The following OLFML2B variants were observed in gnomAD, a reference collection of about 807,000 sequenced individuals.
The protein encoded by OLFML2B is olfactomedin like 2B, also known as olfactomedin-like protein 2B.
Under a neutral mutation model 74.9 loss-of-function variants are expected in OLFML2B, and 57 were observed. The observed-to-expected ratio is 0.76, with a 90% CI of 0.61 to 0.95. The LOEUF (loss-of-function observed/expected upper bound fraction) is 0.95, where lower values mean the gene tolerates loss of function less well. OLFML2B is among the 40% of genes least tolerant of loss of function. The pLI is 0.00. For missense variants in OLFML2B, 986 were observed against 970.6 expected (o/e 1.02, Z -0.21); for synonymous variants, 388 against 405.8 (o/e 0.96, Z 0.53).
rs199523548 is a variant in OLFML2B at position 161,984,123 on chromosome 1, T to C, written c.1805A>G (p.His602Arg). The change falls in exon 8 of 8, where the codon CAT becomes CGT. Residue 602 changes from histidine (H) to arginine (R), a missense_variant. Physicochemically the swap from His to Arg is conservative, Grantham distance 29. Transcript: ENST00000294794. ...QRYVAAWAML[H>R]DVAYEEATPW... ...GGTGGCCTCCTCGTAGGCCACGTCA[T>C]GCAGCATGGCCCAGGCAGCCACGTA... 3.1e-5 allele frequency: 50 copies of C among 1,611,512 alleles called. No homozygotes were observed. The East Asian group carries it at 9.1e-4, about 29-fold the overall frequency.
Position 162,023,383 on chromosome 1 carries a change from A to G in OLFML2B, c.48T>C (p.Val16=). 4 of 1,602,156 alleles carry G rather than the reference A, an allele frequency of 2.5e-6. No homozygotes were observed. Among genetic ancestry groups the G allele is most frequent in the Non-Finnish European group, 3.4e-6 (4 of 1,173,088 alleles). The part of the protein sequence containing the change: ...LLVLYFALIV[V]PAWVSSIVLT... ...GGACAATGCTGGACACCCAGGCCGG[A>G]ACCACAATCAGAGCGAAGTAGAGAA... The change falls in exon 1 of 8, where the codon GTT becomes GTC. Residue 16 remains valine, a synonymous_variant. Coordinates refer to ENST00000294794, the MANE Select transcript of OLFML2B (RefSeq NM_015441.3).
chr1:161,993,623 G>A (rs532217287), intron 6 of OLFML2B, among the ~76,000 whole-genome samples: 2 of 151,970 alleles, frequency 1.3e-5, no homozygotes, highest in African/African-American at 2.4e-5. Flanking sequence ...ATCAGGCCCC[G>A]GCTCCCTACC....
In OLFML2B at chr1:161,983,969, G is replaced by C. The variant is rs746677724; in HGVS notation, c.1959C>G (p.Ala653=). ...TCTCCTTCTGTGTGCTCAGGTCCGC[G>C]GCATTGAGCTTGCTCAGGACAATGA... ...QEVIVLSKLN[A]ADLSTQKETT... The change falls in exon 8 of 8, where the codon GCC becomes GCG. Residue 653 remains alanine (A), a synonymous_variant. Transcript: ENST00000294794. The C allele has an allele frequency of 8.7e-6, 14 of 1,614,094 alleles. No individual in the cohort carries two copies. In the Admixed American group the frequency reaches 1.5e-4, roughly 17 times the overall value.
Position 162,020,199 on chromosome 1 carries a change from C to A in OLFML2B, c.175-17G>T, listed in dbSNP as rs758331634. 1 of 1,613,218 alleles carries A rather than the reference C, an allele frequency of 6.2e-7. No individual in the cohort carries two copies. Among genetic ancestry groups the A allele is most frequent in the Non-Finnish European group, 8.5e-7 (1 of 1,179,348 alleles). ...CCCCAGCAACTAGACACACAGAAAA[C>A]GGGTTAGGGGCATGCAAACACAGGT... On this transcript the variant is annotated splice_polypyrimidine_tract_variant and intron_variant, in intron 1 of 7. Transcript: ENST00000294794.
In OLFML2B at chr1:162,006,455, T is replaced by C. The variant is rs1010844907; in HGVS notation, c.565A>G (p.Thr189Ala). 1.3e-6 allele frequency: 2 copies of C among 1,583,032 alleles called. No homozygotes were observed. Among genetic ancestry groups the C allele is most frequent in the Non-Finnish European group, 1.7e-6 (2 of 1,171,178 alleles). The change falls in exon 4 of 8, where the codon ACC becomes GCC. Residue 189 changes from threonine (T) to alanine (A), a missense_variant. Thr to Ala is a moderately conservative substitution (Grantham distance 58). Transcript: ENST00000294794. ...TCTTTGATTTGTTCATTTTCCTTGG[T>C]GAGGTTTTTAGACACTTCCTGAGAA... ...KLEEEVSKNL[T>A]KENEQIKEDM...
chr1:161,984,697 T>C (rs1260173074), intron 7 of OLFML2B, 107 bp downstream of exon 7: 3 of 1,149,516 alleles, frequency 2.6e-6, no homozygotes, highest in Non-Finnish European at 2.5e-6. Context: ...CAGAAGAAGG[T>C]GTCATCCTTC....
At chr1:161,996,153 T>G (rs1185140641) in intron 6 of OLFML2B, among the ~76,000 whole-genome samples, 1 of 152,206 alleles carries the variant, frequency 6.6e-6, no homozygotes, top group South Asian at 2.1e-4. Flanking sequence ...CTATGGGCTA[T>G]TTCACTGCTG....
chr1:161,993,134 A>G (rs1176828490), intron 6 of OLFML2B, among the ~76,000 whole-genome samples: 1 of 152,206 alleles, frequency 6.6e-6, no homozygotes, highest in Non-Finnish European at 1.5e-5. Context: ...GAGGAGCTTT[A>G]TATTTACTAC....
chr1:162,019,699 T>TA (rs143308376), intron 2 of OLFML2B, among the ~76,000 whole-genome samples: 7,790 of 152,186 alleles, frequency 0.051, 615 homozygotes, highest in African/African-American at 0.18. Context: ...TCTGGCTCCA[T>TA]AAGGAGGGGT....
chr1:162,003,649 C>T (rs976985803), intron 4 of OLFML2B, among the ~76,000 whole-genome samples: 1 of 152,130 alleles, frequency 6.6e-6, no homozygotes, highest in Non-Finnish European at 1.5e-5. Flanking sequence ...TTGCTCTCTC[C>T]ACTCTCACCC....
Position 161,983,882 on chromosome 1 carries a change from C to T in OLFML2B, c.2046G>A (p.Val682=). ...FYGNCFVICG[V]LYAVDSYNQR... Reference sequence around the variant, plus strand: ...GGTTGTAGCTATCCACGGCATACAGCACCCCACAGATGACGAAGCAGTTGC... The same window carrying T: ...GGTTGTAGCTATCCACGGCATACAGTACCCCACAGATGACGAAGCAGTTGC... Residue 682 remains valine (V), a synonymous_variant, in exon 8 of 8, where the codon GTG becomes GTA. Transcript: ENST00000294794. 2.5e-6 allele frequency: 4 copies of T among 1,614,218 alleles called. No individual in the cohort carries two copies. The highest frequency in any genetic ancestry group is 3.4e-6 in the Non-Finnish European group (4 of 1,180,032).
At chr1:162,018,997 T>C (rs16839823) in intron 2 of OLFML2B, among the ~76,000 whole-genome samples, 6,419 of 152,260 alleles carry the variant, frequency 0.042, 422 homozygotes, top group African/African-American at 0.15. Context: ...GTGTGGCACT[T>C]GGTTCAGAAA....
Position 162,023,529 on chromosome 1 carries a change from G to GA in OLFML2B, c.-100dup, listed in dbSNP as rs145463056. On this transcript the variant is annotated 5_prime_UTR_variant, in exon 1 of 8. Coordinates refer to ENST00000294794, the MANE Select transcript of OLFML2B (RefSeq NM_015441.3). ...CGAGAGGGTGTCCTCGCTAGAGCCC[G>GA]AAAGTGGCTGCTGAGAGCACCTTCT... The GA allele has an allele frequency of 0.01, 12,907 of 1,249,356 alleles. 1,046 individuals are homozygous for GA. The African/African-American group carries it at 0.18, about 17-fold the overall frequency. The allele number at this position is 1,249,356 out of a possible 1,614,324, so 77.4% of individuals were successfully genotyped here. A position where few individuals can be genotyped will look rare whatever the true frequency, so the allele number is the denominator to read the frequency against.
intron 3 of OLFML2B, 41 bp from the exon 4 acceptor site, chr1:162,006,514 G>T: frequency 6.7e-7 from 1 of 1,493,936 alleles, no homozygotes; most frequent in Non-Finnish European, 9.0e-7. Context: ...AAAGCACCCT[G>T]AAGACAAGCA....
At chr1:161,986,843 C>G (rs1182032016) in intron 6 of OLFML2B, among the ~76,000 whole-genome samples, 1 of 152,250 alleles carries the variant, frequency 6.6e-6, no homozygotes, top group African/African-American at 2.4e-5. Flanking sequence ...CCAGCGGCAT[C>G]CCTGGCTCAT....
intron 5 of OLFML2B, among the ~76,000 whole-genome samples, chr1:161,999,308 C>G (rs748545995): frequency 1.3e-5 from 2 of 152,190 alleles, no homozygotes; most frequent in African/African-American, 4.8e-5. Flanking sequence ...AAAATACTTG[C>G]AATACATATG....
At chr1:162,014,786 T>C (rs569395186) in intron 3 of OLFML2B, among the ~76,000 whole-genome samples, 89 of 152,324 alleles carry the variant, frequency 5.8e-4, no homozygotes, top group African/African-American at 2.1e-3. Context: ...CACCTTAGGC[T>C]GTCTGGTTTG....
At chr1:161,985,037 TA>T in intron 6 of OLFML2B, 57 bp from the exon 7 acceptor site, 1 of 1,524,270 alleles carries the variant, frequency 6.6e-7, no homozygotes, top group Non-Finnish European at 8.9e-7. Flanking sequence ...CCTCACCCCT[TA>T]AACCTTTGCT....
At chr1:162,009,214 T>A (rs16838315) in intron 3 of OLFML2B, among the ~76,000 whole-genome samples, 3,381 of 152,234 alleles carry the variant, frequency 0.022, 120 homozygotes, top group African/African-American at 0.076. Context: ...CAGGGTGATG[T>A]GACAGATGCA....
Sources: gnomAD v4.1 joint callset for allele counts (sites outside exome capture counted in the v4.1 genomes callset) on GRCh38, gnomAD v4.1.1 for gene constraint, MANE v1.5 for transcripts, NCBI Gene and HGNC (gene_info 2026-07-23, HGNC 2026-07-21) for gene names.